Variants in ZFHX3 observed in about 807,000 individuals in gnomAD.
ZFHX3 encodes zinc finger homeobox protein 3.
A neutral mutation model predicts 279.1 loss-of-function variants in ZFHX3; 42 were observed. That is an observed-to-expected ratio of 0.15 (90% confidence interval 0.12 to 0.19). ZFHX3 has a LOEUF of 0.19. Ranked by LOEUF, ZFHX3 falls within the 10% of genes least tolerant of loss-of-function variation. The pLI is 1.00. For synonymous variants in ZFHX3, 2,293 were observed against 1,957.8 expected, an observed-to-expected ratio of 1.17 and a Z score of -4.52; for missense variants, 4,981 against 4,754.0, an observed-to-expected ratio of 1.05 and a Z score of -1.40.
intron 4 of ZFHX3, among the ~76,000 whole-genome samples, chr16:72,841,716 C>T (rs1321128161): frequency 2.6e-5 from 4 of 152,204 alleles, no homozygotes; most frequent in Non-Finnish European, 4.4e-5. Flanking sequence ...ATCTATTTAG[C>T]TTTTCCTCCT....
At chr16:73,292,161 T>A (rs776028649) in intron 4 of ZFHX3, among the ~76,000 whole-genome samples, 9 of 152,198 alleles carry the variant, frequency 5.9e-5, no homozygotes, top group Non-Finnish European at 1.3e-4. Flanking sequence ...AGGGAAACAC[T>A]GCCCATGTTA....
At chr16:73,524,823 C>T (rs572207649) in intron 2 of ZFHX3, among the ~76,000 whole-genome samples, 1 of 152,276 alleles carries the variant, frequency 6.6e-6, no homozygotes, top group South Asian at 2.1e-4. Flanking sequence ...TCTTCGTTTT[C>T]CATATTTGTA....
intron 2 of ZFHX3, among the ~76,000 whole-genome samples, chr16:73,676,660 T>A (rs1002406510): frequency 2.0e-5 from 3 of 151,942 alleles, no homozygotes; most frequent in Non-Finnish European, 4.4e-5. Context: ...AATTTCCCTG[T>A]GAGAAGACAA....
In ZFHX3 at chr16:72,787,936, T is replaced by C. The variant is rs893722403; in HGVS notation, c.10340A>G (p.Lys3447Arg). The change falls in exon 10 of 10, where the codon AAA (lysine) becomes AGA (arginine). Residue 3447 changes from lysine (K) to arginine (R), a missense_variant. Lys to Arg is a conservative substitution (Grantham distance 26, BLOSUM62 2). Transcript: ENST00000268489. ...GGGGTCGTAGAGGGAGTCCGCACTT[T>C]TGCTTTCTGCTTCTGGCTCTTCAGG... is the stretch of plus-strand genomic sequence containing the variant. Reference protein sequence around the residue: ...KLPEEPEAESKSADSLYDPFI... With the variant: ...KLPEEPEAESRSADSLYDPFI... 2.1e-5 allele frequency: 34 copies of C among 1,613,654 alleles called. No individual in the cohort carries two copies. The highest frequency in any genetic ancestry group is 8.9e-5 in the East Asian group (4 of 44,838).
In ZFHX3 at chr16:72,787,643, T is replaced by C; in HGVS notation, c.10633A>G (p.Ser3545Gly). ...TGCAAGGCCGACTCGAGATGTTGACTCAGAGCTTCCTCCCCACAGAGCGCG... is the reference window on the plus strand; with the variant it reads ...TGCAAGGCCGACTCGAGATGTTGACCCAGAGCTTCCTCCCCACAGAGCGCG... ...ESALCGEEAL[S>G]QHLESALHKH... Residue 3545 changes from serine to glycine, a missense_variant, in exon 10 of 10, where the codon AGT (serine) becomes GGT (glycine). This residue lies in a region of ZFHX3 where 1,034 missense variants were observed against 786.0 expected (regional missense o/e 1.32). Transcript: ENST00000268489. The C allele has an allele frequency of 6.2e-7, 1 of 1,610,620 alleles. No individual in the cohort carries two copies.
intron 4 of ZFHX3, among the ~76,000 whole-genome samples, chr16:72,836,330 T>C (rs992398816): frequency 6.6e-6 from 1 of 152,144 alleles, no homozygotes; most frequent in Non-Finnish European, 1.5e-5. Context: ...ACCCAGAATG[T>C]AGCAACCTAC....
At chr16:72,977,381 G>T (rs1437409636) in intron 1 of ZFHX3, among the ~76,000 whole-genome samples, 4 of 152,178 alleles carry the variant, frequency 2.6e-5, no homozygotes, top group Admixed American at 1.3e-4. Flanking sequence ...CAGCTTTCAC[G>T]TGACCAGTGT....
intron 1 of ZFHX3, among the ~76,000 whole-genome samples, chr16:73,789,864 C>T (rs1959769979): frequency 6.6e-6 from 1 of 152,046 alleles, no homozygotes; most frequent in African/African-American, 2.4e-5. Context: ...GTCCTGGAAG[C>T]AGAGAAGAAG....
upstream of ZFHX3, among the ~76,000 whole-genome samples, chr16:73,062,917 T>C (rs1965703833): frequency 6.6e-6 from 1 of 152,238 alleles, no homozygotes. Flanking sequence ...TGCCACAACA[T>C]ATGGATTCCA....
At chr16:72,884,913 G>C (rs1289161874) in intron 4 of ZFHX3, among the ~76,000 whole-genome samples, 1 of 152,188 alleles carries the variant, frequency 6.6e-6, no homozygotes, top group Non-Finnish European at 1.5e-5. Context: ...TCTACCTGTG[G>C]GTGGGTAAGT....
At chr16:72,831,972 G>C (rs1032072820) in intron 4 of ZFHX3, among the ~76,000 whole-genome samples, 1 of 152,086 alleles carries the variant, frequency 6.6e-6, no homozygotes, top group African/African-American at 2.4e-5. Flanking sequence ...AGCATAAATG[G>C]GATAATCAAA....
intron 8 of ZFHX3, among the ~76,000 whole-genome samples, chr16:73,071,213 G>A (rs1240358908): frequency 6.6e-6 from 1 of 151,518 alleles, no homozygotes; most frequent in East Asian, 1.9e-4. Flanking sequence ...GCGGAGTCCA[G>A]CCATTCAATT....
At chr16:73,241,979 C>G (rs2013138283) in intron 5 of ZFHX3, among the ~76,000 whole-genome samples, 1 of 152,078 alleles carries the variant, frequency 6.6e-6, no homozygotes, top group African/African-American at 2.4e-5. Flanking sequence ...TAATACCAAC[C>G]TCTTGGAATC....
intron 3 of ZFHX3, among the ~76,000 whole-genome samples, chr16:73,367,823 G>A (rs1030029287): frequency 3.3e-5 from 5 of 151,606 alleles, no homozygotes; most frequent in Non-Finnish European, 5.9e-5. Flanking sequence ...ATACAAGCAC[G>A]TAGTAGGTCT....
intron 3 of ZFHX3, among the ~76,000 whole-genome samples, chr16:73,385,846 C>A (rs367686454): frequency 6.6e-6 from 1 of 152,116 alleles, no homozygotes; most frequent in African/African-American, 2.4e-5. Flanking sequence ...TTTGTTCCCA[C>A]GGAAGGTGAT....
rs753209044 is a variant in ZFHX3, at chr16:72,798,164, C to T, written c.4518G>A (p.Thr1506=). 16 of 1,614,006 alleles carry T rather than the reference C, an allele frequency of 9.9e-6. No individual in the cohort carries two copies. Among genetic ancestry groups the T allele is most frequent in the East Asian group, 6.7e-5 (3 of 44,884 alleles). The change falls in exon 9 of 10, where the codon ACG becomes ACA. Residue 1506 remains threonine (T), a synonymous_variant. Transcript: ENST00000268489. ...ESDLEDKQSP[T]GSDSGSVQED... is the part of the protein sequence containing the mutation. Reference sequence around the variant, plus strand: ...CTTGTACTGACCCAGAGTCACTGCCCGTTGGGCTCTGTTTATCTTCCAAGT... The same window carrying T: ...CTTGTACTGACCCAGAGTCACTGCCTGTTGGGCTCTGTTTATCTTCCAAGT...
At chr16:72,943,260 G>A (rs1457821054) in intron 3 of ZFHX3, among the ~76,000 whole-genome samples, 5 of 152,188 alleles carry the variant, frequency 3.3e-5, no homozygotes, top group Non-Finnish European at 7.3e-5. Flanking sequence ...AGGGCCAGGC[G>A]TGGGGGCTCA....
intron 1 of ZFHX3, among the ~76,000 whole-genome samples, chr16:73,779,918 C>T (rs1186917252): frequency 1.3e-5 from 2 of 151,698 alleles, no homozygotes; most frequent in African/African-American, 4.8e-5. Flanking sequence ...GGGGTTTCAC[C>T]ATGTTGGCCA....
chr16:73,727,518 T>C (rs527832524), intron 1 of ZFHX3, among the ~76,000 whole-genome samples: 1 of 152,314 alleles, frequency 6.6e-6, no homozygotes, highest in South Asian at 2.1e-4. Context: ...ATGACAAGTT[T>C]TGATTTTTCT....
Sources: gnomAD v4.1 joint callset for allele counts (sites outside exome capture counted in the v4.1 genomes callset) on GRCh38, gnomAD v4.1.1 for gene constraint, gnomAD v4.1.1 regional missense constraint, MANE v1.5 for transcripts, NCBI Gene and HGNC (gene_info 2026-07-23, HGNC 2026-07-21) for gene names.